BBX: variants seen among roughly 807,000 people sequenced by gnomAD.
BBX encodes the protein BBX high mobility group box domain containing, also known as HMG box transcription factor BBX.
BBX carries 30 observed loss-of-function variants against 100.2 expected under a neutral mutation model. The observed-to-expected ratio is 0.30, with a 90% CI of 0.22 to 0.41. The LOEUF is 0.41. Ranked by LOEUF, BBX falls within the 10% of genes least tolerant of loss-of-function variation. The pLI is 1.00. For missense variants in BBX, 1,023 were observed against 1,129.8 expected, an observed-to-expected ratio of 0.91 and a Z score of 1.35; for synonymous variants, 376 against 388.1, an observed-to-expected ratio of 0.97 and a Z score of 0.37.
At chr3:107,529,100 A>G (rs190470175) in intron 2 of BBX, among the ~76,000 whole-genome samples, 1 of 152,336 alleles carries the variant, frequency 6.6e-6, no homozygotes, top group East Asian at 1.9e-4. Context: ...CCCTGAAGTT[A>G]TTATTAGTGT....
intron 2 of BBX, among the ~76,000 whole-genome samples, chr3:107,588,757 G>C (rs556187031): frequency 6.6e-6 from 1 of 152,248 alleles, no homozygotes; most frequent in Admixed American, 6.5e-5. Context: ...AAAAAGAATG[G>C]GGTAAAAATT....
intron 3 of BBX, chr3:107,662,826 A>T (rs948523879): frequency 6.6e-6 from 1 of 152,200 alleles, no homozygotes; most frequent in Non-Finnish European, 1.5e-5. Context: ...CAATTTCCAC[A>T]TGTGTAAACT....
intron 15 of BBX, among the ~76,000 whole-genome samples, chr3:107,797,697 A>G (rs1450120555): frequency 6.6e-6 from 1 of 152,136 alleles, no homozygotes; most frequent in Non-Finnish European, 1.5e-5. Flanking sequence ...GAAAATGAGT[A>G]TGTAAGAAAA....
chr3:107,593,159 A>G (rs992874696), intron 2 of BBX, among the ~76,000 whole-genome samples: 1 of 152,236 alleles, frequency 6.6e-6, no homozygotes, highest in African/African-American at 2.4e-5. Flanking sequence ...AAAAGTGTTT[A>G]TCTGACACTG....
At chr3:107,717,005 T>TTGTTCC (rs1389063802) in intron 5 of BBX, among the ~76,000 whole-genome samples, 156 bp downstream of exon 5, 1 of 152,196 alleles carries the variant, frequency 6.6e-6, no homozygotes, top group African/African-American at 2.4e-5. Context: ...TTTGTATGAC[T>TTGTTCC]TGTTCCTGTT....
In BBX at chr3:107,757,865, T is replaced by A. The variant is rs2065607586; in HGVS notation, c.906+2187T>A. 3.3e-5 allele frequency among the ~76,000 whole-genome samples: 5 copies of A among 152,232 alleles called. No individual in the cohort carries two copies. The South Asian group carries it at 1.0e-3, about 32-fold the overall frequency. ...TAGAATTGGTGATGGTGTCTGCAAT[T>A]TGAAGACACAACCTTAAATTCACAC... is the stretch of plus-strand genomic sequence containing the variant. On this transcript the variant is annotated intron_variant, in intron 10 of 17. Coordinates refer to ENST00000325805, the MANE Select transcript of BBX (RefSeq NM_001142568.3).
intron 2 of BBX, among the ~76,000 whole-genome samples, chr3:107,608,886 T>G (rs1576480505): frequency 6.6e-6 from 1 of 152,242 alleles, no homozygotes; most frequent in East Asian, 1.9e-4. Context: ...GAAATGCTAC[T>G]GATTTTAGTA....
At position 107,773,481 on chromosome 3, in the gene BBX, G is replaced by C; in HGVS notation, c.1760G>C (p.Ser587Thr). The change falls in exon 11 of 18, where the codon AGC becomes ACC. Residue 587 changes from serine (S) to threonine (T), a missense_variant. Ser to Thr is a moderately conservative substitution (Grantham distance 58). Around this residue, in one of 9 missense-constraint regions of BBX, gnomAD observed 348 missense variants for 353.2 expected, o/e 0.99. Coordinates refer to ENST00000325805, the MANE Select transcript of BBX (RefSeq NM_001142568.3). This position sits in a 1 kb window ranked among gnomAD's most constrained non-coding sequence, Gnocchi z 4.1. ...LTPMEDALPP[S>T]LSGQAKPEDS... ...CCTATGGAAGATGCACTACCACCCA[G>C]CCTATCAGGACAGGCCAAGCCTGAG... The C allele has an allele frequency of 6.2e-7, 1 of 1,614,112 alleles. No individual in the cohort carries two copies. The highest frequency in any genetic ancestry group is 8.5e-7 in the Non-Finnish European group (1 of 1,179,986).
chr3:107,523,888 A>G (rs1412295181), intron 1 of BBX, among the ~76,000 whole-genome samples: 2 of 150,326 alleles, frequency 1.3e-5, no homozygotes, highest in Non-Finnish European at 3.0e-5. Flanking sequence ...CGCGGCGAGT[A>G]GAGAAAGTGC....
intron 2 of BBX, among the ~76,000 whole-genome samples, chr3:107,541,385 A>G (rs1043444004): frequency 1.3e-5 from 2 of 152,196 alleles, no homozygotes; most frequent in African/African-American, 4.8e-5. Context: ...GCAGTGGTGA[A>G]GAAAATCCGG....
At chr3:107,621,950 G>A (rs775099191) in intron 2 of BBX, among the ~76,000 whole-genome samples, 5 of 151,916 alleles carry the variant, frequency 3.3e-5, no homozygotes, top group Admixed American at 6.6e-5. Flanking sequence ...TTAATTTTTC[G>A]ATTACCAGCA....
intron 2 of BBX, among the ~76,000 whole-genome samples, chr3:107,567,023 T>C (rs2050970128): frequency 1.3e-5 from 2 of 152,204 alleles, no homozygotes; most frequent in South Asian, 4.1e-4. Flanking sequence ...TCATTTATTC[T>C]CAAACCAATA....
chr3:107,652,095 C>T (rs1398731118), intron 3 of BBX, among the ~76,000 whole-genome samples: 1 of 152,060 alleles, frequency 6.6e-6, no homozygotes, highest in Non-Finnish European at 1.5e-5. Context: ...ATTTGCAGTT[C>T]TTTTTCTATT....
Position 107,802,293 on chromosome 3 carries a change from T to C in BBX, c.2738+1012T>C, listed in dbSNP as rs372959262. On this transcript the variant is annotated intron_variant, in intron 17 of 17. Coordinates refer to ENST00000325805, the MANE Select transcript of BBX (RefSeq NM_001142568.3). ...GTCCCCTGACGTGAGCTTGGTTTGC[T>C]TCTTGCTATTTACCTGTCATATTAC... Among the ~76,000 whole-genome samples the C allele has an allele frequency of 2.6e-5, 4 of 152,256 alleles. No homozygotes were observed. In the East Asian group the frequency reaches 7.7e-4, roughly 29 times the overall value.
chr3:107,695,707 T>C (rs2060539856), intron 3 of BBX, among the ~76,000 whole-genome samples: 1 of 151,606 alleles, frequency 6.6e-6, no homozygotes, highest in Non-Finnish European at 1.5e-5. Flanking sequence ...AGATGTCTAT[T>C]AGGTCCGCTT....
chr3:107,692,202 A>AT (rs1330808822), intron 3 of BBX, among the ~76,000 whole-genome samples: 230 of 145,238 alleles, frequency 1.6e-3, no homozygotes, highest in African/African-American at 5.8e-3. Context: ...TTATTTATTT[A>AT]TTATTATTAT....
At chr3:107,582,180 A>G (rs924179370) in intron 2 of BBX, among the ~76,000 whole-genome samples, 3 of 151,998 alleles carry the variant, frequency 2.0e-5, no homozygotes, top group African/African-American at 7.2e-5. Flanking sequence ...AGTACTTTCT[A>G]TAGGTAGCAA....
chr3:107,655,493 C>G (rs1576197436), intron 3 of BBX, among the ~76,000 whole-genome samples: 1 of 145,212 alleles, frequency 6.9e-6, no homozygotes, highest in Non-Finnish European at 1.5e-5. Context: ...AGTATGGGAA[C>G]TTAAAGTATG....
intron 2 of BBX, among the ~76,000 whole-genome samples, chr3:107,607,359 G>A (rs1040998527): frequency 6.6e-6 from 1 of 152,152 alleles, no homozygotes; most frequent in Non-Finnish European, 1.5e-5. Context: ...GGGATTACAG[G>A]TGTGAGCCAC....
Sources: gnomAD v4.1 joint callset for allele counts (sites outside exome capture counted in the v4.1 genomes callset) on GRCh38, gnomAD v4.1.1 for gene constraint, gnomAD v4.1.1 regional missense constraint, Gnocchi (gnomAD v3.1) non-coding constraint, MANE v1.5 for transcripts, NCBI Gene and HGNC (gene_info 2026-07-23, HGNC 2026-07-21) for gene names.